Variants in PTCH1 observed in about 807,000 individuals in gnomAD.
PTCH1 encodes the protein patched 1.
Under a neutral mutation model 144.6 loss-of-function variants are expected in PTCH1, and 14 were observed. That is an observed-to-expected ratio of 0.10 (90% CI 0.06 to 0.15). The LOEUF (loss-of-function observed/expected upper bound fraction) is 0.15, where lower values mean the gene tolerates loss of function less well. Among genes scored for constraint, PTCH1 ranks in the 10% least tolerant of loss-of-function variants. The pLI is 1.00. For missense variants in PTCH1, 1,623 were observed against 1,948.3 expected (o/e 0.83, Z 3.14); for synonymous variants, 833 against 793.6 (o/e 1.05, Z -0.83).
intron 15 of PTCH1, among the ~76,000 whole-genome samples, chr9:95,463,491 T>C (rs1408743284): frequency 6.6e-6 from 1 of 152,172 alleles, no homozygotes. Flanking sequence ...AAGCCCTTTC[T>C]TTCTGTTTTT....
chr9:95,469,007 C>T lies in PTCH1; in HGVS notation c.1994G>A (p.Arg665His), dbSNP rs139705799. Reference protein sequence around the residue: ...QITMQSTVQLRTEYDPHTHVY... With the variant: ...QITMQSTVQLHTEYDPHTHVY... ...GTGCGTGTGGGGGTCGTACTCCGTG[C>T]GGAGCTGGACAGTGGACTGCATGGT... The change falls in exon 14 of 24, where the codon CGC becomes CAC. Residue 665 changes from arginine to histidine, a missense_variant. This residue lies in a region of PTCH1 where 179 missense variants were observed against 165.7 expected (regional missense o/e 1.08). Transcript: ENST00000331920. 1.8e-5 allele frequency: 29 copies of T among 1,613,798 alleles called. No individual in the cohort carries two copies. The highest frequency in any genetic ancestry group is 2.1e-5 in the Non-Finnish European group (25 of 1,180,008).
chr9:95,467,479 T>C, intron 14 of PTCH1, 54 bp from the exon 15 acceptor site: 1 of 1,566,170 alleles, frequency 6.4e-7, no homozygotes, highest in Non-Finnish European at 8.7e-7. Flanking sequence ...TGACTCTTCC[T>C]GGACAAAGAG....
rs864622621 is a variant in PTCH1, at chr9:95,449,309, G to A, written c.3564C>T (p.Asn1188=). ...AGGGTGTGGGCAGGCGGTTCAAGCC[G>A]TTGGCTGGAGACACCTATTTAAGGG... ...FGPYPEVSPA[N]GLNRLPTPSP... Residue 1188 remains asparagine, a synonymous_variant, in exon 22 of 24, where the codon AAC becomes AAT. Transcript: ENST00000331920. The surrounding 1 kb of genome is among the most constrained non-coding windows in gnomAD (Gnocchi z 5.3). 8 of 1,551,580 alleles carry A rather than the reference G, an allele frequency of 5.2e-6. No individual in the cohort carries two copies. Among genetic ancestry groups the A allele is most frequent in the East Asian group, 4.8e-5 (2 of 41,630 alleles).
chr9:95,453,832 A>G (rs1212610702), intron 19 of PTCH1, among the ~76,000 whole-genome samples: 2 of 152,240 alleles, frequency 1.3e-5, no homozygotes, highest in Admixed American at 6.5e-5. Flanking sequence ...GTTGACGTAA[A>G]TCTTGAACAC....
At chr9:95,474,950 G>A (rs1374125953) in intron 12 of PTCH1, among the ~76,000 whole-genome samples, 1 of 152,096 alleles carries the variant, frequency 6.6e-6, no homozygotes, top group Admixed American at 6.5e-5. Context: ...GCCAGCTTGA[G>A]AATTAGACAT....
At chr9:95,482,423 A>T (rs1010417860) in intron 3 of PTCH1, 1 of 584,828 alleles carries the variant, frequency 1.7e-6, no homozygotes. Flanking sequence ...ATGTAAATGA[A>T]TGCTACCAAA....
intron 2 of PTCH1, among the ~76,000 whole-genome samples, chr9:95,491,250 C>G (rs1842389581): frequency 6.6e-6 from 1 of 152,212 alleles, no homozygotes; most frequent in Non-Finnish European, 1.5e-5. Flanking sequence ...CTCCATCAAG[C>G]TGGGGCCAGC....
At chr9:95,496,286 T>G (rs1842786461) in intron 2 of PTCH1, among the ~76,000 whole-genome samples, 1 of 152,240 alleles carries the variant, frequency 6.6e-6, no homozygotes, top group African/African-American at 2.4e-5. Context: ...GCTTACTGTG[T>G]GGCTGAAATG....
intron 2 of PTCH1, among the ~76,000 whole-genome samples, chr9:95,488,076 T>C (rs1363480909): frequency 6.6e-6 from 1 of 152,140 alleles, no homozygotes; most frequent in Non-Finnish European, 1.5e-5. Context: ...TGCTAAGAAA[T>C]TTTTACCAGA....
intron 20 of PTCH1, chr9:95,451,508 G>A (rs1196699995): frequency 6.6e-6 from 1 of 152,188 alleles, no homozygotes; most frequent in Non-Finnish European, 1.5e-5. Context: ...CCAGCTGGGG[G>A]CTCTAATTCA....
At chr9:95,473,374 C>T (rs1397325934) in intron 12 of PTCH1, among the ~76,000 whole-genome samples, 4 of 152,078 alleles carry the variant, frequency 2.6e-5, no homozygotes, top group Non-Finnish European at 5.9e-5. Flanking sequence ...AATATAAACA[C>T]AACTGAACAC....
At chr9:95,498,231 C>T (rs187765888) in intron 2 of PTCH1, among the ~76,000 whole-genome samples, 19 of 152,274 alleles carry the variant, frequency 1.2e-4, no homozygotes, top group Admixed American at 7.8e-4. Flanking sequence ...ATAAAGCTTG[C>T]GCTGTGGTAT....
At chr9:95,481,501 C>T (rs1360237490) in intron 5 of PTCH1, among the ~76,000 whole-genome samples, 2 of 152,194 alleles carry the variant, frequency 1.3e-5, no homozygotes, top group African/African-American at 2.4e-5. Context: ...CCCTTAAATG[C>T]CATTAGTGTG....
At chr9:95,470,535 A>G (rs988716949) in intron 12 of PTCH1, among the ~76,000 whole-genome samples, 10 of 152,230 alleles carry the variant, frequency 6.6e-5, no homozygotes, top group Non-Finnish European at 1.3e-4. Flanking sequence ...TATAGTACGC[A>G]GAATAAATAA....
chr9:95,478,311 C>T, intron 8 of PTCH1, 125 bp from the exon 9 acceptor site: 1 of 1,415,336 alleles, frequency 7.1e-7, no homozygotes, highest in Non-Finnish European at 9.8e-7. Flanking sequence ...TAAAAAAGTT[C>T]TACGTGATTC....
intron 5 of PTCH1, 112 bp from the exon 6 acceptor site, chr9:95,480,700 C>T: frequency 1.8e-6 from 2 of 1,105,162 alleles, no homozygotes; most frequent in Non-Finnish European, 2.7e-6. Flanking sequence ...GGCAATGCTG[C>T]AGTTCTGGGA....
rs143494325 is a variant in PTCH1 at position 95,508,249 on chromosome 9, C to G, written c.113G>C (p.Gly38Ala). The G allele has an allele frequency of 2.1e-4, 341 of 1,603,018 alleles. No individual in the cohort carries two copies. Among genetic ancestry groups the G allele is most frequent in the Non-Finnish European group, 2.8e-4 (327 of 1,176,580 alleles). Residue 38 changes from glycine to alanine, a missense_variant, in exon 1 of 24, where the codon GGG (glycine) becomes GCG (alanine). This residue lies in a region of PTCH1 where 245 missense variants were observed against 240.6 expected (regional missense o/e 1.02). Coordinates refer to ENST00000331920, the MANE Select transcript of PTCH1 (RefSeq NM_000264.5). ...AGGGRRRRTG[G>A]LRRAAAPDRD... is the part of the protein sequence containing the mutation. ...GTCCGGCGCGGCAGCACGGCGCAGCCCCCCCGTCCGTCTGCGCCTCCCGCC... is the reference window on the plus strand; with the variant it reads ...GTCCGGCGCGGCAGCACGGCGCAGCGCCCCCGTCCGTCTGCGCCTCCCGCC...
intron 12 of PTCH1, chr9:95,473,945 C>T (rs1840808796): frequency 2.5e-6 from 1 of 406,782 alleles, no homozygotes; most frequent in Middle Eastern, 3.7e-4. Context: ...TACAGTGATA[C>T]TGTGGTGCTT....
rs182068651 is a variant in PTCH1, at chr9:95,478,966, G to A, written c.1215+34C>T. The A allele has an allele frequency of 1.6e-5, 26 of 1,613,826 alleles. No homozygotes were observed. In the Admixed American group the frequency reaches 4.3e-4, roughly 27 times the overall value. Reference sequence around the variant, plus strand: ...GTGAAAATGAAGAATTGCATAACCAGCGAGTCTGCACGCCGATTCGAAGGT... The same window carrying A: ...GTGAAAATGAAGAATTGCATAACCAACGAGTCTGCACGCCGATTCGAAGGT... On this transcript the variant is annotated intron_variant, in intron 8 of 23. Coordinates refer to ENST00000331920, the MANE Select transcript of PTCH1 (RefSeq NM_000264.5).
Sources: allele counts gnomAD v4.1 joint callset (sites outside exome capture counted in the v4.1 genomes callset), GRCh38; gene constraint gnomAD v4.1.1; regional missense constraint gnomAD v4.1.1; non-coding constraint Gnocchi (gnomAD v3.1); transcripts MANE v1.5; gene names NCBI Gene and HGNC (gene_info 2026-07-23, HGNC 2026-07-21).